Variants in MNS1 observed in about 807,000 individuals in gnomAD.
The protein encoded by MNS1 is meiosis-specific nuclear structural protein 1.
Under a neutral mutation model 72.0 loss-of-function variants are expected in MNS1, and 63 were observed. The observed-to-expected ratio is 0.87, with a 90% CI of 0.71 to 1.08. MNS1 has a LOEUF of 1.08. MNS1 is among the 50% of genes least tolerant of loss of function. MNS1 has a pLI of 0.00. For missense variants in MNS1, 604 were observed against 562.4 expected (o/e 1.07, Z -0.75); for synonymous variants, 188 against 172.1 (o/e 1.09, Z -0.72).
In MNS1 at chr15:56,446,833, A is replaced by G. The variant is rs1451301805; in HGVS notation, c.456+8T>C. On this transcript the variant is annotated splice_region_variant and intron_variant, in intron 4 of 9. Coordinates refer to ENST00000260453, the MANE Select transcript of MNS1 (RefSeq NM_018365.4). ...AGCTAAAAACATAATGACCAGAAAC[A>G]TGATTACCATTTGTTCATATTTAAT... 2 of 1,585,634 alleles carry G rather than the reference A, an allele frequency of 1.3e-6. No homozygotes were observed. The highest frequency in any genetic ancestry group is 1.7e-6 in the Non-Finnish European group (2 of 1,158,210).
chr15:56,456,576 CA>C, intron 2 of MNS1, 55 bp from the exon 3 acceptor site: 1 of 1,575,310 alleles, frequency 6.3e-7, no homozygotes, highest in African/African-American at 1.4e-5. Flanking sequence ...TTTTTTTCAT[CA>C]AGGTTGAATT....
At chr15:56,443,877 G>T in intron 5 of MNS1, 23 bp from the exon 6 acceptor site, 3 of 1,487,494 alleles carry the variant, frequency 2.0e-6, no homozygotes, top group Non-Finnish European at 2.7e-6. Flanking sequence ...AACAAGTACA[G>T]ATTTATAGTA....
chr15:56,432,281 T>C (rs753420467), intron 8 of MNS1, among the ~76,000 whole-genome samples: 2 of 152,312 alleles, frequency 1.3e-5, no homozygotes, highest in South Asian at 2.1e-4. Flanking sequence ...GTAAATTAAA[T>C]TGTTTAGGCA....
intron 2 of MNS1, among the ~76,000 whole-genome samples, chr15:56,459,990 C>CAAAA (rs150132300): frequency 0.016 from 180 of 11,104 alleles, 42 homozygotes; most frequent in Non-Finnish European, 0.02. Flanking sequence ...AATTCTGTCT[C>CAAAA]AAAAAAAAAA....
chr15:56,448,915 G>C (rs1345064970), intron 3 of MNS1, among the ~76,000 whole-genome samples: 1 of 151,752 alleles, frequency 6.6e-6, no homozygotes, highest in Non-Finnish European at 1.5e-5. Context: ...CACCATGCCC[G>C]GTTAATTTTT....
chr15:56,435,768 C>G (rs2050713525), intron 7 of MNS1, among the ~76,000 whole-genome samples: 1 of 152,016 alleles, frequency 6.6e-6, no homozygotes, highest in African/African-American at 2.4e-5. Flanking sequence ...GAATTCTACA[C>G]AATCTCTTCC....
chr15:56,453,971 T>A (rs1177767450), intron 3 of MNS1, among the ~76,000 whole-genome samples: 1 of 152,148 alleles, frequency 6.6e-6, no homozygotes, highest in African/African-American at 2.4e-5. Flanking sequence ...CCAGAGCAGT[T>A]CCCTGAATTT....
At chr15:56,446,289 A>G (rs1238389499) in intron 4 of MNS1, among the ~76,000 whole-genome samples, 2 of 151,900 alleles carry the variant, frequency 1.3e-5, no homozygotes, top group African/African-American at 4.8e-5. Flanking sequence ...AATTCAGTAA[A>G]CCCTATTATA....
chr15:56,433,540 C>T (rs1334013398), intron 8 of MNS1, among the ~76,000 whole-genome samples: 10 of 152,156 alleles, frequency 6.6e-5, no homozygotes, highest in Non-Finnish European at 5.9e-5. Context: ...GTATCCTTAA[C>T]ATCTCTCGGG....
chr15:56,434,050 A>C, intron 8 of MNS1, 88 bp downstream of exon 8: 2 of 1,380,438 alleles, frequency 1.4e-6, no homozygotes, highest in Admixed American at 4.4e-5. Flanking sequence ...CTGGCATATA[A>C]AGCTTCTCAG....
chr15:56,437,172 T>C (rs1177223957), intron 7 of MNS1, among the ~76,000 whole-genome samples: 7 of 152,224 alleles, frequency 4.6e-5, no homozygotes, highest in African/African-American at 1.4e-4. Flanking sequence ...AAAAAGAGAA[T>C]TTAAGACCAA....
intron 9 of MNS1, 56 bp downstream of exon 9, chr15:56,431,317 G>C (rs2050588398): frequency 6.3e-7 from 1 of 1,577,096 alleles, no homozygotes; most frequent in Non-Finnish European, 8.6e-7. Context: ...CAAATACCAT[G>C]TTTTTTTCAC....
chr15:56,446,278 TAATTC>T (rs1372775945), intron 4 of MNS1, among the ~76,000 whole-genome samples: 7 of 152,006 alleles, frequency 4.6e-5, no homozygotes, highest in African/African-American at 1.7e-4. Flanking sequence ...AATTAACTGT[TAATTC>T]AGTAAACCCT....
chr15:56,460,118 A>C (rs904143720), intron 2 of MNS1, among the ~76,000 whole-genome samples: 1 of 148,108 alleles, frequency 6.8e-6, no homozygotes, highest in Non-Finnish European at 1.5e-5. Context: ...CATTGTTCCA[A>C]CGTGGGGAAG....
chr15:56,460,786 A>T (rs377513459), intron 2 of MNS1, among the ~76,000 whole-genome samples: 8 of 152,228 alleles, frequency 5.3e-5, no homozygotes, highest in South Asian at 2.1e-4. Flanking sequence ...CCACTAAATG[A>T]TAACAGCGCT....
intron 3 of MNS1, among the ~76,000 whole-genome samples, chr15:56,454,470 C>G (rs1048654633): frequency 7.9e-5 from 12 of 151,714 alleles, no homozygotes; most frequent in Non-Finnish European, 1.8e-4. Flanking sequence ...TTTTTTGTAC[C>G]CAGGTAAATC....
At chr15:56,459,216 G>T (rs2051001569) in intron 2 of MNS1, among the ~76,000 whole-genome samples, 1 of 152,126 alleles carries the variant, frequency 6.6e-6, no homozygotes, top group Non-Finnish European at 1.5e-5. Flanking sequence ...CACAATATGT[G>T]GCCTTTTGTA....
intron 7 of MNS1, among the ~76,000 whole-genome samples, chr15:56,438,055 G>C (rs1390563976): frequency 6.6e-6 from 1 of 152,252 alleles, no homozygotes; most frequent in Non-Finnish European, 1.5e-5. Flanking sequence ...GTAATTTACA[G>C]ATTCAATGCC....
chr15:56,432,105 A>G (rs1453490411), intron 8 of MNS1, among the ~76,000 whole-genome samples: 1 of 152,184 alleles, frequency 6.6e-6, no homozygotes, highest in Non-Finnish European at 1.5e-5. Flanking sequence ...TAATTCATCC[A>G]TTCCTTATAA....
Sources: gnomAD v4.1 joint callset for allele counts (sites outside exome capture counted in the v4.1 genomes callset) on GRCh38, gnomAD v4.1.1 for gene constraint, MANE v1.5 for transcripts, NCBI Gene and HGNC (gene_info 2026-07-23, HGNC 2026-07-21) for gene names.